The following ZNF407 variants were observed in gnomAD, a reference collection of about 807,000 sequenced individuals.
The protein encoded by ZNF407 is zinc finger protein 407.
ZNF407 carries 17 observed loss-of-function variants against 131.2 expected under a neutral mutation model. That is an observed-to-expected ratio of 0.13 (90% CI 0.09 to 0.19). ZNF407 has a LOEUF of 0.19. Ranked by LOEUF, ZNF407 falls within the 10% of genes least tolerant of loss-of-function variation. ZNF407 has a pLI of 1.00. For synonymous variants in ZNF407, 1,156 were observed against 1,062.0 expected, an observed-to-expected ratio of 1.09 and a Z score of -1.72; for missense variants, 2,681 against 2,830.6, an observed-to-expected ratio of 0.95 and a Z score of 1.20.
chr18:74,761,022 C>G (rs894925889), intron 3 of ZNF407, among the ~76,000 whole-genome samples: 17 of 152,136 alleles, frequency 1.1e-4, no homozygotes, highest in Non-Finnish European at 1.9e-4. Context: ...TGTCCCTCCT[C>G]TCATGGTGAT....
intron 3 of ZNF407, among the ~76,000 whole-genome samples, chr18:74,747,980 G>A (rs1196829850): frequency 6.6e-6 from 1 of 152,092 alleles, no homozygotes; most frequent in East Asian, 1.9e-4. Context: ...ATCAACTACA[G>A]TTCTACATAG....
chr18:74,857,455 G>A (rs1970874911), intron 4 of ZNF407, among the ~76,000 whole-genome samples: 1 of 152,052 alleles, frequency 6.6e-6, no homozygotes, highest in African/African-American at 2.4e-5. Flanking sequence ...AATTTATTGA[G>A]CACCTGTTAG....
intron 8 of ZNF407, among the ~76,000 whole-genome samples, chr18:74,937,495 T>C (rs1421232217): frequency 6.6e-6 from 1 of 152,228 alleles, no homozygotes. Context: ...GACAGTGTTA[T>C]ATGTGCTGCT....
intron 4 of ZNF407, among the ~76,000 whole-genome samples, chr18:74,807,793 T>G (rs992048188): frequency 2.6e-5 from 4 of 152,252 alleles, no homozygotes; most frequent in Non-Finnish European, 5.9e-5. Context: ...TGTATTTGTA[T>G]GTGGACATAT....
At chr18:74,695,270 A>G (rs149912757) in intron 3 of ZNF407, among the ~76,000 whole-genome samples, 27 of 152,296 alleles carry the variant, frequency 1.8e-4, no homozygotes, top group East Asian at 1.4e-3. Context: ...TGCCTCCTGC[A>G]TAACATCTAT....
chr18:74,862,114 A>G (rs1970945999), intron 4 of ZNF407, among the ~76,000 whole-genome samples: 1 of 152,256 alleles, frequency 6.6e-6, no homozygotes, highest in South Asian at 2.1e-4. Flanking sequence ...AAAATTGTTT[A>G]AATTTGTTAT....
At position 74,627,778 on chromosome 18, in the gene ZNF407, TTCTCTCTCTC is replaced by T. The variant is rs35067719; in HGVS notation, c.-53-3181_-53-3172del. 1.5e-5 allele frequency among the ~76,000 whole-genome samples: 2 copies of T among 132,586 alleles called. 1 individual carries two copies. The highest frequency in any genetic ancestry group is 3.1e-5 in the Non-Finnish European group (2 of 63,968). The allele number at this position is 132,586 out of a possible 152,430, so 87.0% of individuals were successfully genotyped here. On this transcript the variant is annotated intron_variant, in intron 1 of 8. Coordinates refer to ENST00000299687, the MANE Select transcript of ZNF407 (RefSeq NM_017757.3). ...TGTTTGTTTGTTCAGTTTTCTCTCT[TTCTCTCTCTC>T]TCTCTCTTTCTCTCTTTCTCTCTTT... is the stretch of plus-strand genomic sequence containing the variant.
chr18:74,947,746 T>C (rs7235293), intron 8 of ZNF407, among the ~76,000 whole-genome samples: 34,333 of 152,166 alleles, frequency 0.23, 5,124 homozygotes, highest in African/African-American at 0.41. Context: ...AGGCAGGACC[T>C]GTGCGTGTAG....
At chr18:74,895,048 A>C (rs1447922849) in intron 7 of ZNF407, among the ~76,000 whole-genome samples, 1 of 152,088 alleles carries the variant, frequency 6.6e-6, no homozygotes, top group East Asian at 1.9e-4. Flanking sequence ...CTCGTGGAGC[A>C]GAAGAATAGA....
At chr18:74,849,052 CT>C (rs35529971) in intron 4 of ZNF407, among the ~76,000 whole-genome samples, 7 of 122,936 alleles carry the variant, frequency 5.7e-5, no homozygotes, top group Admixed American at 1.8e-4. Context: ...ACTTTTGTTT[CT>C]TTTTTTTTTT....
intron 8 of ZNF407, among the ~76,000 whole-genome samples, chr18:74,933,984 A>C (rs1330489039): frequency 6.6e-6 from 1 of 152,096 alleles, no homozygotes; most frequent in African/African-American, 2.4e-5. Flanking sequence ...AAATCCCCTA[A>C]TAGCTTTTAC....
At chr18:74,912,558 A>G (rs1971688733) in intron 7 of ZNF407, among the ~76,000 whole-genome samples, 1 of 152,184 alleles carries the variant, frequency 6.6e-6, no homozygotes, top group South Asian at 2.1e-4. Flanking sequence ...GACTTTAACA[A>G]ATGTTATTGA....
chr18:74,599,850 C>T (rs942611225), intron 1 of ZNF407, among the ~76,000 whole-genome samples: 19 of 152,098 alleles, frequency 1.2e-4, no homozygotes, highest in South Asian at 4.1e-4. Flanking sequence ...TATGAATAGG[C>T]GAATAAATTA....
chr18:74,942,956 G>A (rs1972116752), intron 8 of ZNF407, among the ~76,000 whole-genome samples: 1 of 150,130 alleles, frequency 6.7e-6, no homozygotes. Context: ...TCACTCTGTC[G>A]CCCAGGCTGC....
chr18:74,797,324 C>G (rs1969938691), intron 4 of ZNF407, among the ~76,000 whole-genome samples: 1 of 152,206 alleles, frequency 6.6e-6, no homozygotes, highest in African/African-American at 2.4e-5. Flanking sequence ...AAAATAACAG[C>G]TGTTTGCTCT....
intron 4 of ZNF407, among the ~76,000 whole-genome samples, chr18:74,819,253 T>C (rs1185686660): frequency 1.3e-5 from 2 of 152,248 alleles, no homozygotes; most frequent in African/African-American, 4.8e-5. Context: ...ATATCGGGGC[T>C]GAATCACAGT....
chr18:74,904,503 G>T (rs1388091808), intron 7 of ZNF407, among the ~76,000 whole-genome samples: 3 of 152,214 alleles, frequency 2.0e-5, no homozygotes, highest in Non-Finnish European at 4.4e-5. Flanking sequence ...CCTTGTGTTT[G>T]AATCACTGCA....
At position 74,634,743 on chromosome 18, in the gene ZNF407, G is replaced by A. The variant is rs766864731; in HGVS notation, c.3724G>A (p.Gly1242Ser). 1.2e-6 allele frequency: 2 copies of A among 1,613,934 alleles called. No individual in the cohort carries two copies. The highest frequency in any genetic ancestry group is 2.2e-5 in the South Asian group (2 of 91,090). ...GEGGNAGDGGGVVPHRHLCPV... is the reference protein window; with the variant it reads ...GEGGNAGDGGSVVPHRHLCPV... ...AGGAGGAAACGCAGGAGACGGTGGA[G>A]GTGTTGTCCCCCACAGACACCTGTG... The change falls in exon 2 of 9, where the codon GGT becomes AGT. Residue 1242 changes from glycine to serine, a missense_variant. Physicochemically the swap from Gly to Ser is moderately conservative, Grantham distance 56. Around this residue, in one of 6 missense-constraint regions of ZNF407, gnomAD observed 1,789 missense variants for 1,748.7 expected, o/e 1.02. Coordinates refer to ENST00000299687, the MANE Select transcript of ZNF407 (RefSeq NM_017757.3).
intron 3 of ZNF407, among the ~76,000 whole-genome samples, chr18:74,735,671 C>T (rs908770177): frequency 2.6e-5 from 4 of 152,166 alleles, no homozygotes; most frequent in Admixed American, 2.0e-4. Context: ...AGGCAGAAAA[C>T]TTCAATGTCA....
Sources: gnomAD v4.1 joint callset for allele counts (sites outside exome capture counted in the v4.1 genomes callset) on GRCh38, gnomAD v4.1.1 for gene constraint, gnomAD v4.1.1 regional missense constraint, MANE v1.5 for transcripts, NCBI Gene and HGNC (gene_info 2026-07-23, HGNC 2026-07-21) for gene names.